Variants in AK3 observed in about 807,000 individuals in gnomAD.
AK3 encodes the protein GTP:AMP phosphotransferase AK3, mitochondrial.
A neutral mutation model predicts 23.7 loss-of-function variants in AK3; 27 were observed. The observed-to-expected ratio is 1.14, with a 90% confidence interval of 0.84 to 1.57. The LOEUF (loss-of-function observed/expected upper bound fraction) is 1.57. Among genes scored for constraint, AK3 ranks in the 40% most tolerant of loss-of-function variants. AK3 has a pLI of 0.00. For missense variants in AK3, 406 were observed against 285.6 expected (o/e 1.42, Z -3.04); for synonymous variants, 159 against 116.0 (o/e 1.37, Z -2.38).
rs1841596952 is a variant in AK3 at position 4,712,819 on chromosome 9, G to A, written c.*157C>T. On this transcript the variant is annotated 3_prime_UTR_variant, in exon 5 of 5. Coordinates refer to ENST00000381809, the MANE Select transcript of AK3 (RefSeq NM_016282.4). ...ATGCATCTTAGTATCCGAATCATTT[G>A]GCACATCCTTAGTATCCAAAATAAA... The A allele has an allele frequency of 1.3e-6, 1 of 753,364 alleles. No homozygotes were observed. Among genetic ancestry groups the A allele is most frequent in the East Asian group, 2.9e-5 (1 of 34,558 alleles). 46.7% of individuals were successfully genotyped at this position (753,364 alleles called of 1,614,324 possible). A position where few individuals can be genotyped will look rare whatever the true frequency, so the allele number is the denominator to read the frequency against.
intron 1 of AK3, among the ~76,000 whole-genome samples, chr9:4,740,040 T>C (rs1178663644): frequency 7.4e-6 from 1 of 135,444 alleles, no homozygotes; most frequent in Non-Finnish European, 1.5e-5. Context: ...TATGCACGTC[T>C]ATCCTGTTTG....
At chr9:4,723,402 G>A (rs1841950357) in intron 1 of AK3, among the ~76,000 whole-genome samples, 1 of 152,134 alleles carries the variant, frequency 6.6e-6, no homozygotes, top group African/African-American at 2.4e-5. Flanking sequence ...TAAAACAGGT[G>A]CTGCTATCGT....
chr9:4,717,504 G>A (rs1841768641), intron 4 of AK3, among the ~76,000 whole-genome samples: 1 of 152,158 alleles, frequency 6.6e-6, no homozygotes, highest in Admixed American at 6.5e-5. Flanking sequence ...TGGCAAATGT[G>A]GTGGGCAATA....
chr9:4,725,308 C>T (rs987586524), intron 1 of AK3, among the ~76,000 whole-genome samples: 2 of 151,670 alleles, frequency 1.3e-5, no homozygotes, highest in African/African-American at 2.4e-5. Context: ...TGAGCCACTG[C>T]GTCCAGCCTA....
chr9:4,740,643 G>A (rs916574428), intron 1 of AK3, among the ~76,000 whole-genome samples: 3 of 152,160 alleles, frequency 2.0e-5, no homozygotes, highest in Non-Finnish European at 2.9e-5. Context: ...GCCACTGGGA[G>A]GACTTGGGCC....
intron 1 of AK3, among the ~76,000 whole-genome samples, chr9:4,724,979 A>G (rs1364717251): frequency 4.6e-5 from 7 of 151,718 alleles, no homozygotes; most frequent in Admixed American, 4.6e-4. Context: ...TTAACTCAAT[A>G]TAGGTCATAA....
At chr9:4,728,864 T>TACACACACACACACAC (rs1168147185) in intron 1 of AK3, among the ~76,000 whole-genome samples, 3 of 77,556 alleles carry the variant, frequency 3.9e-5, no homozygotes, top group Non-Finnish European at 5.3e-5. Flanking sequence ...TATATATATA[T>TACACACACACACACAC]ATACACACAC....
Position 4,719,163 on chromosome 9 carries a change from T to C in AK3, c.416A>G (p.Asn139Ser), listed in dbSNP as rs1841821402. 1.2e-6 allele frequency: 2 copies of C among 1,611,870 alleles called. No individual in the cohort carries two copies. The highest frequency in any genetic ancestry group is 1.7e-6 in the Non-Finnish European group (2 of 1,179,822). Residue 139 changes from asparagine to serine, a missense_variant, in exon 3 of 5, where the codon AAC (asparagine) becomes AGC (serine). Transcript: ENST00000381809. ...WIHPASGRVY[N>S]IEFNPPKTVG... ...AGTTTTGGGAGGGTTGAATTCAATG[T>C]TATAGACTCGGCCACTGGCGGGATG...
rs558122271 is a variant in AK3 at position 4,711,582 on chromosome 9, G to C, written c.*1394C>G. 2 of 152,448 alleles carry C rather than the reference G, an allele frequency of 1.3e-5. No homozygotes were observed. Among genetic ancestry groups the C allele is most frequent in the Admixed American group, 1.3e-4 (2 of 15,288 alleles). 9.4% of individuals were successfully genotyped at this position (152,448 alleles called of 1,614,324 possible). A position where few individuals can be genotyped will look rare whatever the true frequency, so the allele number is the denominator to read the frequency against. Reference sequence around the variant, plus strand: ...ATTTTAAGTACCTGGGAAAAAAACGGAACAGATTTTTAAAGGCAATAACGA... The same window carrying C: ...ATTTTAAGTACCTGGGAAAAAAACGCAACAGATTTTTAAAGGCAATAACGA... On this transcript the variant is annotated 3_prime_UTR_variant, in exon 5 of 5. Coordinates refer to ENST00000381809, the MANE Select transcript of AK3 (RefSeq NM_016282.4).
In AK3 at chr9:4,720,861, A is replaced by T. The variant is rs189651190; in HGVS notation, c.272-1554T>A. The stretch of plus-strand genomic sequence containing the variant: ...AATGATAACGACTAAAACTATACCC[A>T]GGAAACCTGGATTCGGGAGAAATAA... On this transcript the variant is annotated intron_variant, in intron 2 of 4. Transcript: ENST00000381809. 2.3e-3 allele frequency among the ~76,000 whole-genome samples: 356 copies of T among 152,322 alleles called. 3 individuals carry two copies. The highest frequency in any genetic ancestry group is 4.0e-3 in the Non-Finnish European group (274 of 68,024).
chr9:4,722,624 T>G lies in AK3; in HGVS notation c.153A>C (p.Glu51Asp). The change falls in exon 2 of 5, where the codon GAA (glutamate) becomes GAC (aspartate). Residue 51 changes from glutamate (E) to aspartate (D), a missense_variant and splice_region_variant. Physicochemically the swap from Glu to Asp is conservative, Grantham distance 45. Transcript: ENST00000381809. The stretch of plus-strand genomic sequence containing the variant: ...TGAAAGCCTTGGCTAACACGCCAAT[T>G]TCTACAGCAAAGCGGGGAAAAAAAT... Reference protein sequence around the residue: ...LLRDNMLRGTEIGVLAKAFID... With the variant: ...LLRDNMLRGTDIGVLAKAFID... 6.2e-7 allele frequency: 1 copy of G among 1,614,154 alleles called. No individual in the cohort carries two copies. Among genetic ancestry groups the G allele is most frequent in the Non-Finnish European group, 8.5e-7 (1 of 1,180,008 alleles).
intron 1 of AK3, among the ~76,000 whole-genome samples, chr9:4,729,433 C>A (rs180786003): frequency 6.6e-6 from 1 of 152,286 alleles, no homozygotes; most frequent in African/African-American, 2.4e-5. Flanking sequence ...GATCGCGCCA[C>A]TGTACTCCAG....
intron 1 of AK3, 67 bp from the exon 2 acceptor site, chr9:4,722,692 C>A (rs369322522): frequency 6.9e-6 from 11 of 1,599,964 alleles, no homozygotes; most frequent in East Asian, 2.2e-5. Flanking sequence ...CACCTCGGAA[C>A]GAGTTGCCTA....
At chr9:4,731,641 A>G (rs2130904229) in intron 1 of AK3, among the ~76,000 whole-genome samples, 1 of 152,088 alleles carries the variant, frequency 6.6e-6, no homozygotes, top group East Asian at 1.9e-4. Flanking sequence ...TTTCAAATAT[A>G]TTTACCCCCT....
At chr9:4,723,307 A>G (rs906357923) in intron 1 of AK3, among the ~76,000 whole-genome samples, 5 of 152,236 alleles carry the variant, frequency 3.3e-5, no homozygotes, top group Non-Finnish European at 5.9e-5. Context: ...TTCTTTAAAA[A>G]TAAGAATCTG....
intron 1 of AK3, among the ~76,000 whole-genome samples, chr9:4,739,074 A>ATTCTC (rs1237912315): frequency 6.6e-6 from 1 of 151,560 alleles, no homozygotes; most frequent in African/African-American, 2.4e-5. Flanking sequence ...CGCCAGGCCT[A>ATTCTC]CTCTCCTAGA....
intron 3 of AK3, 38 bp downstream of exon 3, chr9:4,719,097 A>T: frequency 6.2e-7 from 1 of 1,609,246 alleles, no homozygotes. Flanking sequence ...GGACTCAGGG[A>T]CAGTCTGCTA....
In AK3 at chr9:4,711,987, T is replaced by C. The variant is rs1563778892; in HGVS notation, c.*989A>G. On this transcript the variant is annotated 3_prime_UTR_variant, in exon 5 of 5. Coordinates refer to ENST00000381809, the MANE Select transcript of AK3 (RefSeq NM_016282.4). ...ATGCCAAGGGAGCATTTCCCAGGCA[T>C]GCCTCATCTATTTACTAACAACAAA... The C allele has an allele frequency of 6.6e-6, 1 of 152,326 alleles. No homozygotes were observed. The highest frequency in any genetic ancestry group is 1.9e-4 in the East Asian group (1 of 5,186). 9.4% of individuals were successfully genotyped at this position (152,326 alleles called of 1,614,324 possible).
At chr9:4,739,464 G>A (rs1475914991) in intron 1 of AK3, among the ~76,000 whole-genome samples, 2 of 150,910 alleles carry the variant, frequency 1.3e-5, no homozygotes, top group South Asian at 2.1e-4. Flanking sequence ...AAAGTGCTGG[G>A]ATTACAAGTG....
Sources: allele counts gnomAD v4.1 joint callset (sites outside exome capture counted in the v4.1 genomes callset), GRCh38; gene constraint gnomAD v4.1.1; transcripts MANE v1.5; gene names NCBI Gene and HGNC (gene_info 2026-07-23, HGNC 2026-07-21).